SNX4: variants seen among roughly 807,000 people sequenced by gnomAD.
SNX4 encodes the protein sorting nexin-4.
In SNX4, 49 loss-of-function variants were observed where a neutral mutation model predicts 70.8. That is an observed-to-expected ratio of 0.69 (90% CI 0.55 to 0.88). The LOEUF (loss-of-function observed/expected upper bound fraction) is 0.88. SNX4 is among the 40% of genes least tolerant of loss of function. The probability of loss-of-function intolerance (pLI) is 0.00; values close to 1 mark genes in which losing one functional copy is unlikely to be tolerated. For missense variants in SNX4, 528 were observed against 544.8 expected (o/e 0.97, Z 0.31); for synonymous variants, 206 against 183.8 (o/e 1.12, Z -0.98).
At chr3:125,468,383 A>C (rs768402368) in intron 9 of SNX4, among the ~76,000 whole-genome samples, 1 of 152,082 alleles carries the variant, frequency 6.6e-6, no homozygotes, top group African/African-American at 2.4e-5. Context: ...TGAACCTATA[A>C]TAGAAGTTGG....
chr3:125,474,331 T>C (rs868645852), intron 8 of SNX4, among the ~76,000 whole-genome samples: 12 of 152,278 alleles, frequency 7.9e-5, no homozygotes, highest in Admixed American at 3.3e-4. Flanking sequence ...TTTTTATTTT[T>C]TTGAGAGACA....
chr3:125,491,398 C>A (rs1028066160), intron 5 of SNX4, among the ~76,000 whole-genome samples: 2 of 152,106 alleles, frequency 1.3e-5, no homozygotes, highest in South Asian at 2.1e-4. Context: ...TCATTTGTAT[C>A]TTTTCTTGAA....
chr3:125,504,546 A>T (rs1935006106), intron 2 of SNX4, 77 bp downstream of exon 2: 2 of 1,370,530 alleles, frequency 1.5e-6, no homozygotes, highest in African/African-American at 1.5e-5. Flanking sequence ...AAATTCTGTT[A>T]TACAGCAGAG....
chr3:125,447,338 C>A lies in SNX4; in HGVS notation c.*441G>T. On this transcript the variant is annotated 3_prime_UTR_variant, in exon 14 of 14. Transcript: ENST00000251775. ...AGCTTTGTCAAACCAAATAGCTCAA[C>A]TATAAGGCAAGAGAAAACAACTCCC... 1 of 153,110 alleles carries A rather than the reference C, an allele frequency of 6.5e-6. No individual in the cohort carries two copies. 9.5% of individuals were successfully genotyped at this position (153,110 alleles called of 1,614,324 possible). A position where few individuals can be genotyped will look rare whatever the true frequency, so the allele number is the denominator to read the frequency against.
intron 5 of SNX4, among the ~76,000 whole-genome samples, chr3:125,497,100 C>A (rs1934812672): frequency 1.3e-5 from 2 of 148,904 alleles, no homozygotes; most frequent in Admixed American, 6.7e-5. Flanking sequence ...AAAAAAAATT[C>A]ACTGTTACAA....
intron 7 of SNX4, among the ~76,000 whole-genome samples, chr3:125,479,556 AAAT>A (rs377153136): frequency 2.2e-4 from 33 of 150,458 alleles, no homozygotes; most frequent in Admixed American, 1.4e-3. Flanking sequence ...CTCCATCTCA[AAAT>A]AATAATAATA....
rs1432740672 is a variant in SNX4, at chr3:125,480,322, G to A, written c.654-3C>T. 1 of 1,492,290 alleles carries A rather than the reference G, an allele frequency of 6.7e-7. No individual in the cohort carries two copies. The highest frequency in any genetic ancestry group is 1.4e-5 in the South Asian group (1 of 72,612). 92.4% of individuals were successfully genotyped at this position (1,492,290 alleles called of 1,614,324 possible). On this transcript the variant is annotated splice_polypyrimidine_tract_variant and splice_region_variant and intron_variant, in intron 6 of 13. Transcript: ENST00000251775. The stretch of plus-strand genomic sequence containing the variant: ...AGTGCTTAAGGTCAGTAAATCTCCT[G>A]AAACAGGAAACAAATAAAACATCGT...
intron 13 of SNX4, chr3:125,449,140 C>T (rs1218800308): frequency 6.6e-6 from 1 of 151,768 alleles, no homozygotes; most frequent in African/African-American, 2.4e-5. Context: ...AAGAAGGTCT[C>T]GGGCCAGGTG....
intron 5 of SNX4, 36 bp downstream of exon 5, chr3:125,497,304 TA>T: frequency 1.4e-6 from 2 of 1,461,392 alleles, no homozygotes; most frequent in African/African-American, 1.4e-5. Flanking sequence ...CTGGGAACTG[TA>T]AAGGAACATG....
chr3:125,459,263 A>C (rs1933813193), intron 10 of SNX4, among the ~76,000 whole-genome samples: 1 of 152,376 alleles, frequency 6.6e-6, no homozygotes, highest in Admixed American at 6.5e-5. Context: ...CGGTGTTACC[A>C]GATAGTATAT....
intron 12 of SNX4, 61 bp from the exon 13 acceptor site, chr3:125,451,480 T>A (rs901812364): frequency 1.6e-6 from 2 of 1,242,534 alleles, no homozygotes; most frequent in African/African-American, 3.0e-5. Flanking sequence ...TACTAAAAAG[T>A]TAACCAGTTC....
At chr3:125,465,643 T>TTTTTA (rs1472581151) in intron 9 of SNX4, among the ~76,000 whole-genome samples, 1 of 152,092 alleles carries the variant, frequency 6.6e-6, no homozygotes, top group Non-Finnish European at 1.5e-5. Context: ...AAACTTTTAC[T>TTTTTA]TTTTATTTTA....
chr3:125,476,034 G>A (rs531458655), intron 8 of SNX4, among the ~76,000 whole-genome samples: 20 of 151,564 alleles, frequency 1.3e-4, no homozygotes, highest in Non-Finnish European at 2.4e-4. Flanking sequence ...TTAGGAGGCC[G>A]AGGCGGGTGG....
Position 125,453,963 on chromosome 3 carries a change from G to A in SNX4, c.1045-8C>T. Reference sequence around the variant, plus strand: ...AGAGAATGTTCTCACAGTCTAAAAGGAAACAGAAACAGATGAATGGATAAA... The same window carrying A: ...AGAGAATGTTCTCACAGTCTAAAAGAAAACAGAAACAGATGAATGGATAAA... On this transcript the variant is annotated splice_polypyrimidine_tract_variant and splice_region_variant and intron_variant, in intron 11 of 13. Coordinates refer to ENST00000251775, the MANE Select transcript of SNX4 (RefSeq NM_003794.4). 6.2e-7 allele frequency: 1 copy of A among 1,608,992 alleles called. No individual in the cohort carries two copies. Among genetic ancestry groups the A allele is most frequent in the African/African-American group, 1.3e-5 (1 of 74,756 alleles).
chr3:125,454,489 T>C (rs554035400), intron 11 of SNX4, among the ~76,000 whole-genome samples: 18 of 152,352 alleles, frequency 1.2e-4, no homozygotes, highest in African/African-American at 2.6e-4. Context: ...ATGGAAAAAC[T>C]GTCTTCCACA....
chr3:125,520,063 C>T lies in SNX4; in HGVS notation c.110G>A (p.Gly37Glu). The T allele has an allele frequency of 6.4e-7, 1 of 1,556,338 alleles. No individual in the cohort carries two copies. The highest frequency in any genetic ancestry group is 1.2e-5 in the South Asian group (1 of 84,370). Reference sequence around the variant, plus strand: ...GACCCCAGAGCTCTCTTCTCCGGCCCCCTCCGCTTCCTTGCCGACCGCAGC... The same window carrying T: ...GACCCCAGAGCTCTCTTCTCCGGCCTCCTCCGCTTCCTTGCCGACCGCAGC... ...LGAAVGKEAE[G>E]AGEESSGVDT... The change falls in exon 1 of 14, where the codon GGG becomes GAG. Residue 37 changes from glycine (G) to glutamate (E), a missense_variant. Gly to Glu is a moderately conservative substitution (Grantham distance 98). Coordinates refer to ENST00000251775, the MANE Select transcript of SNX4 (RefSeq NM_003794.4).
At chr3:125,467,479 A>C (rs1285705163) in intron 9 of SNX4, among the ~76,000 whole-genome samples, 1 of 152,234 alleles carries the variant, frequency 6.6e-6, no homozygotes, top group Middle Eastern at 3.2e-3. Flanking sequence ...ACATGTGGCC[A>C]ACAAACATGA....
chr3:125,498,996 A>G (rs1934868580), intron 2 of SNX4, among the ~76,000 whole-genome samples: 1 of 152,250 alleles, frequency 6.6e-6, no homozygotes, highest in Non-Finnish European at 1.5e-5. Context: ...TCCAAGTACC[A>G]AGAAATATCC....
chr3:125,479,351 G>T (rs1419312857), intron 7 of SNX4, among the ~76,000 whole-genome samples: 2 of 152,058 alleles, frequency 1.3e-5, no homozygotes, highest in Non-Finnish European at 2.9e-5. Context: ...GCCAGGAGGA[G>T]TTCGAGACCA....
Sources: gnomAD v4.1 joint callset for allele counts (sites outside exome capture counted in the v4.1 genomes callset) on GRCh38, gnomAD v4.1.1 for gene constraint, MANE v1.5 for transcripts, NCBI Gene and HGNC (gene_info 2026-07-23, HGNC 2026-07-21) for gene names.